Variants in ADGRA2 observed in about 807,000 individuals in gnomAD.
ADGRA2 encodes the protein G-protein coupled receptor 124.
ADGRA2 carries 61 observed loss-of-function variants against 98.7 expected under a neutral mutation model. The observed-to-expected ratio is 0.62, with a 90% CI of 0.50 to 0.76. ADGRA2 has a LOEUF of 0.76. ADGRA2 is among the 30% of genes least tolerant of loss of function. The pLI is 0.00. For missense variants in ADGRA2, 1,712 were observed against 1,860.0 expected, an observed-to-expected ratio of 0.92 and a Z score of 1.46; for synonymous variants, 858 against 831.5, an observed-to-expected ratio of 1.03 and a Z score of -0.55.
chr8:37,844,415 C>T lies in ADGRA2; in HGVS notation c.*2060C>T, dbSNP rs1245202651. ...AAAGCAATACCTACGGACTGGTGTA[C>T]ACTTCCATCCTTGGTTATAACAGGA... On this transcript the variant is annotated 3_prime_UTR_variant, in exon 19 of 19. Transcript: ENST00000412232. 1.9e-6 allele frequency: 3 copies of T among 1,554,696 alleles called. No individual in the cohort carries two copies. The highest frequency in any genetic ancestry group is 1.4e-5 in the African/African-American group (1 of 73,768).
rs898421067 is a variant in ADGRA2, at chr8:37,830,348, A to G, written c.718+334A>G. Reference sequence around the variant, plus strand: ...CAGTGTTATTCTCCCTACTCCGCCTATGACTGTGTGCTGGGCGTGTCCTCC... The same window carrying G: ...CAGTGTTATTCTCCCTACTCCGCCTGTGACTGTGTGCTGGGCGTGTCCTCC... On this transcript the variant is annotated intron_variant, in intron 6 of 18. Coordinates refer to ENST00000412232, the MANE Select transcript of ADGRA2 (RefSeq NM_032777.10). This position sits in a 1 kb window ranked among gnomAD's most constrained non-coding sequence, Gnocchi z 4.8. Among the ~76,000 whole-genome samples the G allele has an allele frequency of 3.9e-5, 6 of 152,132 alleles. No homozygotes were observed. The highest frequency in any genetic ancestry group is 2.1e-4 in the South Asian group (1 of 4,832).
At chr8:37,809,429 T>C (rs2129925628) in intron 1 of ADGRA2, among the ~76,000 whole-genome samples, 1 of 152,232 alleles carries the variant, frequency 6.6e-6, no homozygotes, top group East Asian at 1.9e-4. Context: ...TGGAGGCCCC[T>C]CTCTGGATAA....
In ADGRA2 at chr8:37,797,489, C is replaced by T. The variant is rs1333981674; in HGVS notation, c.221C>T (p.Pro74Leu). The change falls in exon 1 of 19, where the codon CCG becomes CTG. Residue 74 changes from proline to leucine, a missense_variant. By Grantham distance (98) the Pro-to-Leu change is moderately conservative. Transcript: ENST00000412232. This position sits in a 1 kb window ranked among gnomAD's most constrained non-coding sequence, Gnocchi z 5.3. ...GTGGTGTGCAGCGGCGGGGACCTCC[C>T]GGAGCCTCCCGAGCCCGGCCTTCTG... ...RRVVCSGGDL[P>L]EPPEPGLLPN... The T allele has an allele frequency of 1.7e-5, 24 of 1,407,644 alleles. No individual in the cohort carries two copies. The highest frequency in any genetic ancestry group is 3.0e-5 in the African/African-American group (2 of 67,490). 87.2% of individuals were successfully genotyped at this position (1,407,644 alleles called of 1,614,324 possible). A position where few individuals can be genotyped will look rare whatever the true frequency, so the allele number is the denominator to read the frequency against.
In ADGRA2 at chr8:37,797,052, T is replaced by C. The variant is rs1048478703; in HGVS notation, c.-217T>C. 11 of 202,346 alleles carry C rather than the reference T, an allele frequency of 5.4e-5. No homozygotes were observed. Among genetic ancestry groups the C allele is most frequent in the Non-Finnish European group, 1.1e-4 (11 of 103,948 alleles). The allele number at this position is 202,346 out of a possible 1,614,324, so 12.5% of individuals were successfully genotyped here. Reference sequence around the variant, plus strand: ...CAGCTGGGAGCTGCCCGCGCTGCGCTGACAGCCGCGCCGACGTCCTCCCCG... The same window carrying C: ...CAGCTGGGAGCTGCCCGCGCTGCGCCGACAGCCGCGCCGACGTCCTCCCCG... On this transcript the variant is annotated 5_prime_UTR_variant, in exon 1 of 19. An upstream open reading frame in the 5' UTR loses its in-frame stop. Coordinates refer to ENST00000412232, the MANE Select transcript of ADGRA2 (RefSeq NM_032777.10). The surrounding 1 kb of genome is among the most constrained non-coding windows in gnomAD (Gnocchi z 5.3).
intron 1 of ADGRA2, among the ~76,000 whole-genome samples, chr8:37,804,418 T>C (rs534064361): frequency 6.6e-6 from 1 of 152,336 alleles, no homozygotes; most frequent in East Asian, 1.9e-4. Context: ...ACTCTGCTGA[T>C]GGCAAGGGTG....
intron 2 of ADGRA2, among the ~76,000 whole-genome samples, chr8:37,820,317 A>G (rs1805093439): frequency 6.6e-6 from 1 of 152,172 alleles, no homozygotes; most frequent in Admixed American, 6.5e-5. Flanking sequence ...CATCACAACC[A>G]CTATCCCCCC....
At chr8:37,806,071 G>A (rs1396208883) in intron 1 of ADGRA2, among the ~76,000 whole-genome samples, 1 of 152,058 alleles carries the variant, frequency 6.6e-6, no homozygotes, top group East Asian at 1.9e-4. Flanking sequence ...CTTTTAGGTT[G>A]TGCATGGAGG....
At position 37,799,702 on chromosome 8, in the gene ADGRA2, C is replaced by T. The variant is rs538458776; in HGVS notation, c.266+2168C>T. 1.6e-3 allele frequency among the ~76,000 whole-genome samples: 244 copies of T among 152,258 alleles called. 1 individual carries two copies. The highest frequency in any genetic ancestry group is 5.3e-3 in the African/African-American group (219 of 41,556). On this transcript the variant is annotated intron_variant, in intron 1 of 18. Transcript: ENST00000412232. ...AGCTCACCCTCCAATCCCAAATCCT[C>T]CCAGGCCACTGAGCCATCAGGCTTA...
chr8:37,841,043 G>GCCCC lies in ADGRA2; in HGVS notation c.2748-41_2748-40insCCCC. 9.4e-7 allele frequency: 1 copy of GCCCC among 1,069,138 alleles called. No homozygotes were observed. The highest frequency in any genetic ancestry group is 1.3e-6 in the Non-Finnish European group (1 of 757,550). 66.2% of individuals were successfully genotyped at this position (1,069,138 alleles called of 1,614,324 possible). On this transcript the variant is annotated intron_variant, in intron 18 of 18. Coordinates refer to ENST00000412232, the MANE Select transcript of ADGRA2 (RefSeq NM_032777.10). The surrounding 1 kb of genome is among the most constrained non-coding windows in gnomAD (Gnocchi z 5.0). ...CACCCCGGCCCCCAGCCCCACCCCA[G>GCCCC]CCATGCCCCCTGTCCTCATCACTGC...
chr8:37,809,333 C>A (rs1804762661), intron 1 of ADGRA2, among the ~76,000 whole-genome samples: 1 of 151,402 alleles, frequency 6.6e-6, no homozygotes, highest in African/African-American at 2.4e-5. Context: ...CCTGCACTAT[C>A]TGTCTAAAAC....
Position 37,814,089 on chromosome 8 carries a change from G to C in ADGRA2, c.267-807G>C, listed in dbSNP as rs765635687. On this transcript the variant is annotated intron_variant, in intron 1 of 18. Coordinates refer to ENST00000412232, the MANE Select transcript of ADGRA2 (RefSeq NM_032777.10). The surrounding 1 kb of genome is among the most constrained non-coding windows in gnomAD (Gnocchi z 4.3). ...AAAGCTTTCTAATAAGCAATTAACT[G>C]GGGGATGAGCCCTTTGGCTGGCCTG... Among the ~76,000 whole-genome samples the C allele has an allele frequency of 2.0e-5, 3 of 152,192 alleles. No individual in the cohort carries two copies. The highest frequency in any genetic ancestry group is 4.4e-5 in the Non-Finnish European group (3 of 68,032).
intron 15 of ADGRA2, 190 bp downstream of exon 15, chr8:37,839,273 GT>G (rs1044326560): frequency 1.1e-5 from 7 of 636,062 alleles, no homozygotes; most frequent in Non-Finnish European, 1.4e-5. Flanking sequence ...CTTGGCAGGG[GT>G]TTTTTCCCCA....
intron 2 of ADGRA2, among the ~76,000 whole-genome samples, chr8:37,816,927 A>AC (rs1804997118): frequency 1.3e-4 from 17 of 131,888 alleles, no homozygotes; most frequent in African/African-American, 4.3e-4. Context: ...AAGAAAGCAA[A>AC]ACACACACAC....
intron 1 of ADGRA2, among the ~76,000 whole-genome samples, chr8:37,799,300 G>A (rs1563335271): frequency 6.6e-6 from 1 of 151,960 alleles, no homozygotes; most frequent in Non-Finnish European, 1.5e-5. Flanking sequence ...GCTTGAACCC[G>A]GGAGGCGGAG....
In ADGRA2 at chr8:37,840,951, A is replaced by G. The variant is rs898779249; in HGVS notation, c.2747+102A>G. On this transcript the variant is annotated intron_variant, in intron 18 of 18. Coordinates refer to ENST00000412232, the MANE Select transcript of ADGRA2 (RefSeq NM_032777.10). ...GCCAGGTCCACCCAGCCATAACCCA[A>G]CCCAAGCCCATGCATGCTGACCAAG... The G allele has an allele frequency of 1.9e-5, 22 of 1,156,048 alleles. 1 individual carries two copies. The highest frequency in any genetic ancestry group is 4.6e-5 in the African/African-American group (3 of 65,844). 71.6% of individuals were successfully genotyped at this position (1,156,048 alleles called of 1,614,324 possible).
chr8:37,831,613 G>A (rs1805457645), intron 8 of ADGRA2, 26 bp downstream of exon 8: 2 of 1,607,952 alleles, frequency 1.2e-6, no homozygotes, highest in South Asian at 1.1e-5. Flanking sequence ...CCCTGTAGAG[G>A]GCTGCCCAGC....
intron 2 of ADGRA2, among the ~76,000 whole-genome samples, chr8:37,819,165 G>A (rs1805061300): frequency 6.6e-6 from 1 of 152,110 alleles, no homozygotes; most frequent in Non-Finnish European, 1.5e-5. Flanking sequence ...ATGATCCTTG[G>A]ATGTGTGTGG....
Position 37,830,610 on chromosome 8 carries a change from G to GGCCC in ADGRA2, c.719-100_719-99insGCCC. On this transcript the variant is annotated intron_variant, in intron 6 of 18. Transcript: ENST00000412232. This position sits in a 1 kb window ranked among gnomAD's most constrained non-coding sequence, Gnocchi z 4.8. ...AGCTGGAGCAGGCTGCAGGCCGAGG[G>GGCCC]CCCCGCCCCGCCCCACCCCATCCTG... 1 of 579,886 alleles carries GGCCC rather than the reference G, an allele frequency of 1.7e-6. No homozygotes were observed. 35.9% of individuals were successfully genotyped at this position (579,886 alleles called of 1,614,324 possible).
intron 1 of ADGRA2, among the ~76,000 whole-genome samples, chr8:37,810,249 G>A (rs989486196): frequency 1.3e-5 from 2 of 150,754 alleles, no homozygotes; most frequent in East Asian, 2.0e-4. Flanking sequence ...GGTGGCTCAC[G>A]CCTGTAATCC....
Sources: gnomAD v4.1 joint callset for allele counts (sites outside exome capture counted in the v4.1 genomes callset) on GRCh38, gnomAD v4.1.1 for gene constraint, Gnocchi (gnomAD v3.1) non-coding constraint, MANE v1.5 for transcripts, NCBI Gene and HGNC (gene_info 2026-07-23, HGNC 2026-07-21) for gene names.